The following GRM7 variants were observed in gnomAD, a reference collection of about 807,000 sequenced individuals.
The protein encoded by GRM7 is metabotropic glutamate receptor 7.
Under a neutral mutation model 84.5 loss-of-function variants are expected in GRM7, and 35 were observed. That is an observed-to-expected ratio of 0.41 (90% confidence interval 0.32 to 0.55). GRM7 has a LOEUF of 0.55. GRM7 is among the 20% of genes least tolerant of loss of function. The pLI is 0.19. For missense variants in GRM7, 1,003 were observed against 1,194.6 expected, an observed-to-expected ratio of 0.84 and a Z score of 2.36; for synonymous variants, 487 against 455.1, an observed-to-expected ratio of 1.07 and a Z score of -0.89.
At chr3:7,627,014 G>T (rs981550276) in intron 8 of GRM7, among the ~76,000 whole-genome samples, 4 of 151,172 alleles carry the variant, frequency 2.6e-5, no homozygotes, top group African/African-American at 9.7e-5. Flanking sequence ...TGGTTGGGTA[G>T]AAAAGAAATA....
At chr3:7,454,821 GTA>G (rs1020997151) in intron 6 of GRM7, among the ~76,000 whole-genome samples, 15 of 152,074 alleles carry the variant, frequency 9.9e-5, no homozygotes, top group African/African-American at 3.6e-4. Context: ...AATTTTACAT[GTA>G]TATTATATAT....
chr3:7,099,537 A>ACG (rs1699013313), intron 1 of GRM7, among the ~76,000 whole-genome samples: 1 of 147,486 alleles, frequency 6.8e-6, no homozygotes, highest in Admixed American at 6.9e-5. Context: ...CGCATTATAC[A>ACG]TGTACACATA....
chr3:7,574,910 T>G (rs1694885510), intron 7 of GRM7, among the ~76,000 whole-genome samples: 1 of 151,154 alleles, frequency 6.6e-6, no homozygotes, highest in Admixed American at 6.6e-5. Flanking sequence ...TCTTCCCAAA[T>G]GAAATCTTTT....
At chr3:7,672,462 TG>T (rs1699956288) in intron 8 of GRM7, among the ~76,000 whole-genome samples, 1 of 152,220 alleles carries the variant, frequency 6.6e-6, no homozygotes, top group African/African-American at 2.4e-5. Flanking sequence ...TCATAAGAAT[TG>T]TGAAACTTCT....
chr3:7,163,088 G>A (rs115748301), intron 2 of GRM7, among the ~76,000 whole-genome samples: 31 of 151,788 alleles, frequency 2.0e-4, no homozygotes, highest in African/African-American at 6.3e-4. Context: ...TACTCCTTTC[G>A]TGCCTATTCT....
intron 8 of GRM7, among the ~76,000 whole-genome samples, chr3:7,628,169 T>A (rs1471714121): frequency 1.3e-5 from 2 of 152,146 alleles, no homozygotes; most frequent in African/African-American, 4.8e-5. Context: ...AGAGTCTTCT[T>A]CTCTTCCACT....
intron 1 of GRM7, among the ~76,000 whole-genome samples, chr3:6,925,577 G>A (rs559966659): frequency 2.6e-5 from 4 of 152,300 alleles, no homozygotes; most frequent in Non-Finnish European, 5.9e-5. Context: ...TTTAGAACTT[G>A]AGGTCATCTC....
At chr3:7,479,944 T>C (rs1220501200) in intron 7 of GRM7, among the ~76,000 whole-genome samples, 2 of 152,252 alleles carry the variant, frequency 1.3e-5, no homozygotes, top group African/African-American at 4.8e-5. Flanking sequence ...TGGCAACTTA[T>C]ATGACCCCAG....
intron 1 of GRM7, among the ~76,000 whole-genome samples, chr3:6,914,498 G>A (rs549198241): frequency 1.3e-5 from 2 of 152,092 alleles, no homozygotes; most frequent in Admixed American, 6.6e-5. Context: ...TGCCTCCCGG[G>A]TTCAAGTGAT....
At chr3:7,693,125 C>T (rs956394058) in intron 9 of GRM7, among the ~76,000 whole-genome samples, 1 of 151,992 alleles carries the variant, frequency 6.6e-6, no homozygotes, top group Admixed American at 6.6e-5. Flanking sequence ...GTTTAATTCT[C>T]AGAATTCATT....
chr3:7,391,509 T>C (rs1234411217), intron 4 of GRM7, among the ~76,000 whole-genome samples: 1 of 151,598 alleles, frequency 6.6e-6, no homozygotes, highest in East Asian at 1.9e-4. Context: ...AACTGAACAA[T>C]GAGAACACTT....
intron 8 of GRM7, among the ~76,000 whole-genome samples, chr3:7,669,767 A>G (rs1009846647): frequency 1.3e-5 from 2 of 152,208 alleles, no homozygotes; most frequent in Non-Finnish European, 2.9e-5. Flanking sequence ...GATCAAAGTC[A>G]TAAACTGCTC....
At chr3:7,168,828 G>A (rs969579662) in intron 2 of GRM7, among the ~76,000 whole-genome samples, 6 of 152,090 alleles carry the variant, frequency 3.9e-5, no homozygotes, top group Admixed American at 2.6e-4. Flanking sequence ...ACTTCTCTAT[G>A]AAAGGATTTC....
chr3:7,298,580 A>T, intron 2 of GRM7, 104 bp from the exon 3 acceptor site: 1 of 899,872 alleles, frequency 1.1e-6, no homozygotes, highest in Non-Finnish European at 1.8e-6. Flanking sequence ...TCAAGGAAGT[A>T]TTGCATATCC....
rs540688340 is a variant in GRM7, at chr3:7,481,985, G to A, written c.1515+20263G>A. On this transcript the variant is annotated intron_variant, in intron 7 of 9. Coordinates refer to ENST00000357716, the MANE Select transcript of GRM7 (RefSeq NM_000844.4). ...GAGTGGATCACAAAGTCAGGAGATCGAGACCATCCTGGCTAACATGGTGAA... is the reference window on the plus strand; with the variant it reads ...GAGTGGATCACAAAGTCAGGAGATCAAGACCATCCTGGCTAACATGGTGAA... 2.2e-4 allele frequency among the ~76,000 whole-genome samples: 34 copies of A among 152,196 alleles called. No individual in the cohort carries two copies. In the East Asian group the frequency reaches 6.0e-3, roughly 27 times the overall value.
chr3:7,631,534 G>T (rs1205858904), intron 8 of GRM7, among the ~76,000 whole-genome samples: 2 of 152,218 alleles, frequency 1.3e-5, no homozygotes, highest in African/African-American at 4.8e-5. Context: ...GCTGTTTAAG[G>T]AACCAGTGAA....
chr3:7,718,167 G>A (rs1021244509), intron 9 of GRM7, among the ~76,000 whole-genome samples: 21 of 152,196 alleles, frequency 1.4e-4, no homozygotes, highest in Admixed American at 2.0e-4. Context: ...TTCTCAGGGA[G>A]TTGATGAGGC....
chr3:7,708,930 T>C (rs951682042), intron 9 of GRM7, among the ~76,000 whole-genome samples: 7 of 151,844 alleles, frequency 4.6e-5, no homozygotes, highest in Non-Finnish European at 5.9e-5. Flanking sequence ...ATTGTGTGTA[T>C]GCACACACAA....
At chr3:7,241,521 T>C (rs1287231536) in intron 2 of GRM7, among the ~76,000 whole-genome samples, 1 of 152,120 alleles carries the variant, frequency 6.6e-6, no homozygotes, top group South Asian at 2.1e-4. Context: ...CCAGGAAAAG[T>C]CTAATTTAAA....
Sources: allele counts gnomAD v4.1 joint callset (sites outside exome capture counted in the v4.1 genomes callset), GRCh38; gene constraint gnomAD v4.1.1; transcripts MANE v1.5; gene names NCBI Gene and HGNC (gene_info 2026-07-23, HGNC 2026-07-21).